The following WDPCP variants were observed in gnomAD, a reference collection of about 807,000 sequenced individuals.
WDPCP encodes the protein WD repeat-containing and planar cell polarity effector protein fritz homolog.
Under a neutral mutation model 93.1 loss-of-function variants are expected in WDPCP, and 71 were observed. That is an observed-to-expected ratio of 0.76 (90% confidence interval 0.63 to 0.93). The LOEUF (loss-of-function observed/expected upper bound fraction) is 0.93. Among genes scored for constraint, WDPCP ranks in the 40% least tolerant of loss-of-function variants. The pLI is 0.00. For missense variants in WDPCP, 844 were observed against 887.4 expected (o/e 0.95, Z 0.62); for synonymous variants, 315 against 315.0 (o/e 1.00, Z 0.00).
At chr2:63,228,465 G>A (rs1678506129) in intron 14 of WDPCP, 1 of 146,840 alleles carries the variant, frequency 6.8e-6, no homozygotes, top group Admixed American at 7.0e-5. Flanking sequence ...AAGTTTTAGG[G>A]TACATGTGCA....
At chr2:63,500,369 G>C (rs1274126960) in intron 1 of WDPCP, among the ~76,000 whole-genome samples, 1 of 151,916 alleles carries the variant, frequency 6.6e-6, no homozygotes, top group African/African-American at 2.4e-5. Flanking sequence ...AGATAGTCTG[G>C]TAATTCTCCA....
chr2:63,828,467 T>TA (rs1282175728), upstream of WDPCP, among the ~76,000 whole-genome samples: 1 of 152,160 alleles, frequency 6.6e-6, no homozygotes, highest in Non-Finnish European at 1.5e-5. Flanking sequence ...AATATATATC[T>TA]ATGTGGGGAG....
intron 14 of WDPCP, among the ~76,000 whole-genome samples, chr2:63,258,155 A>G (rs184611528): frequency 6.6e-6 from 1 of 152,310 alleles, no homozygotes; most frequent in Admixed American, 6.5e-5. Context: ...GTAGTAGTAC[A>G]CACATTAATA....
At chr2:63,264,099 A>G (rs988555891) in intron 13 of WDPCP, among the ~76,000 whole-genome samples, 2 of 152,208 alleles carry the variant, frequency 1.3e-5, no homozygotes, top group African/African-American at 4.8e-5. Flanking sequence ...CAGGCCCTGT[A>G]AAACATGGAT....
chr2:63,276,749 G>C (rs1168598675), intron 13 of WDPCP, among the ~76,000 whole-genome samples: 1 of 152,150 alleles, frequency 6.6e-6, no homozygotes, highest in African/African-American at 2.4e-5. Context: ...CCAAACCTAA[G>C]AATAATTGGT....
intron 14 of WDPCP, among the ~76,000 whole-genome samples, chr2:63,185,102 A>C (rs1674522673): frequency 6.6e-6 from 1 of 152,180 alleles, no homozygotes; most frequent in Non-Finnish European, 1.5e-5. Context: ...CTCCGTGATA[A>C]ATTTCTCATT....
In WDPCP at chr2:63,237,370, C is replaced by T. The variant is rs902131396; in HGVS notation, c.1915+21937G>A. The stretch of plus-strand genomic sequence containing the variant: ...CTACAGAGAAAAGGGAATGCTTATA[C>T]ACTGTTGGTGGGAATGCAAAAATCA... On this transcript the variant is annotated intron_variant, in intron 14 of 17. Coordinates refer to ENST00000272321, the MANE Select transcript of WDPCP (RefSeq NM_015910.7). Among the ~76,000 whole-genome samples the T allele has an allele frequency of 2.0e-5, 3 of 152,124 alleles. No homozygotes were observed. In the East Asian group the frequency reaches 5.8e-4, roughly 29 times the overall value.
At chr2:63,479,231 C>A (rs548797963) in intron 6 of WDPCP, among the ~76,000 whole-genome samples, 13 of 152,126 alleles carry the variant, frequency 8.5e-5, no homozygotes, top group East Asian at 7.7e-4. Context: ...CAGGACCAGA[C>A]AAATTCACAG....
chr2:63,605,974 C>G, intron 3 of WDPCP: 1 of 1,614,144 alleles, frequency 6.2e-7, no homozygotes, highest in Non-Finnish European at 8.5e-7. Flanking sequence ...TCTCTGATGG[C>G]AACTCCTATG....
intron 1 of WDPCP, among the ~76,000 whole-genome samples, chr2:63,523,494 G>C (rs1703091842): frequency 6.6e-6 from 1 of 152,180 alleles, no homozygotes; most frequent in Non-Finnish European, 1.5e-5. Context: ...CATCCAAATA[G>C]GAAGAGAGGA....
chr2:63,243,728 G>T (rs1680045061), intron 14 of WDPCP, among the ~76,000 whole-genome samples: 1 of 152,028 alleles, frequency 6.6e-6, no homozygotes, highest in Non-Finnish European at 1.5e-5. Flanking sequence ...CTAGACCTAT[G>T]AAAAGACTAA....
intron 9 of WDPCP, among the ~76,000 whole-genome samples, chr2:63,431,620 C>T (rs1696768949): frequency 6.6e-6 from 1 of 151,022 alleles, no homozygotes; most frequent in Non-Finnish European, 1.5e-5. Context: ...TTTTGGTTCA[C>T]GATATTCTAA....
chr2:63,369,510 GA>G, intron 12 of WDPCP: 1 of 456,570 alleles, frequency 2.2e-6, no homozygotes, highest in Non-Finnish European at 4.4e-6. Context: ...AAAAGAAAAT[GA>G]GAGTAATAAA....
intron 1 of WDPCP, among the ~76,000 whole-genome samples, chr2:63,512,638 A>C (rs1702306251): frequency 6.6e-6 from 1 of 152,200 alleles, no homozygotes; most frequent in Admixed American, 6.5e-5. Context: ...AAACTAACAC[A>C]GCAAAAGAAA....
chr2:63,323,937 A>G (rs1289730789), intron 12 of WDPCP, among the ~76,000 whole-genome samples: 3 of 152,076 alleles, frequency 2.0e-5, no homozygotes, highest in Non-Finnish European at 4.4e-5. Context: ...AAAACAAACC[A>G]AAACCACAGG....
At chr2:63,372,131 T>C (rs933478354) in intron 12 of WDPCP, among the ~76,000 whole-genome samples, 3 of 152,168 alleles carry the variant, frequency 2.0e-5, no homozygotes, top group Non-Finnish European at 4.4e-5. Context: ...GCATCTCACA[T>C]GGCAAGAACT....
intron 2 of WDPCP, among the ~76,000 whole-genome samples, chr2:63,701,798 G>A (rs2103708789): frequency 6.6e-6 from 1 of 152,218 alleles, no homozygotes; most frequent in East Asian, 1.9e-4. Context: ...AGCTTAAAAA[G>A]TGACTATCAT....
intron 3 of WDPCP, among the ~76,000 whole-genome samples, chr2:63,629,995 A>T (rs1709847003): frequency 6.6e-6 from 1 of 152,268 alleles, no homozygotes; most frequent in African/African-American, 2.4e-5. Context: ...TATGATTTAA[A>T]TCTGACAAGG....
At chr2:63,299,031 G>C (rs1685115297) in intron 13 of WDPCP, among the ~76,000 whole-genome samples, 1 of 152,210 alleles carries the variant, frequency 6.6e-6, no homozygotes, top group African/African-American at 2.4e-5. Flanking sequence ...TTGATTTCCA[G>C]GTGGTGTAGA....
Sources: allele counts gnomAD v4.1 joint callset (sites outside exome capture counted in the v4.1 genomes callset), GRCh38; gene constraint gnomAD v4.1.1; transcripts MANE v1.5; gene names NCBI Gene and HGNC (gene_info 2026-07-23, HGNC 2026-07-21).